Variants in LPXN observed in about 807,000 individuals in gnomAD.
LPXN encodes leupaxin.
Under a neutral mutation model 45.6 loss-of-function variants are expected in LPXN, and 28 were observed. The ratio of observed to expected loss-of-function variants is 0.61; its 90% confidence interval spans 0.45 to 0.84. LPXN has a LOEUF of 0.84. Among genes scored for constraint, LPXN ranks in the 40% least tolerant of loss-of-function variants. The pLI is 0.00. For missense variants in LPXN, 459 were observed against 475.0 expected, an observed-to-expected ratio of 0.97 and a Z score of 0.31; for synonymous variants, 166 against 169.9, an observed-to-expected ratio of 0.98 and a Z score of 0.18.
intron 5 of LPXN, among the ~76,000 whole-genome samples, chr11:58,550,635 C>G (rs1565194386): frequency 6.6e-6 from 1 of 152,174 alleles, no homozygotes. Flanking sequence ...TGACTTGGAG[C>G]TGAGTTCAGC....
intron 7 of LPXN, among the ~76,000 whole-genome samples, chr11:58,545,205 C>T (rs1479635249): frequency 1.3e-5 from 2 of 152,032 alleles, no homozygotes; most frequent in Non-Finnish European, 2.9e-5. Flanking sequence ...CATAAATGAC[C>T]CCATCAGCCC....
chr11:58,542,958 T>C (rs1382448206), intron 7 of LPXN, among the ~76,000 whole-genome samples: 1 of 152,214 alleles, frequency 6.6e-6, no homozygotes, highest in Non-Finnish European at 1.5e-5. Context: ...TAATTAATCC[T>C]TAAGCACTTA....
intron 7 of LPXN, among the ~76,000 whole-genome samples, chr11:58,549,106 C>T (rs2120311803): frequency 6.6e-6 from 1 of 152,282 alleles, no homozygotes; most frequent in Admixed American, 6.5e-5. Context: ...ATTTAAAACA[C>T]ATAAGCAGGC....
chr11:58,577,288 C>G (rs1361981899), upstream of LPXN, among the ~76,000 whole-genome samples: 2 of 152,122 alleles, frequency 1.3e-5, no homozygotes, highest in African/African-American at 4.8e-5. Context: ...ATTATTACAA[C>G]TGAAAATGAC....
At chr11:58,535,448 G>A (rs1469366434) in intron 7 of LPXN, among the ~76,000 whole-genome samples, 1 of 152,054 alleles carries the variant, frequency 6.6e-6, no homozygotes, top group African/African-American at 2.4e-5. Context: ...ATACAGAAAA[G>A]GCCTTTGATA....
At chr11:58,563,981 T>C (rs932235167) in intron 3 of LPXN, among the ~76,000 whole-genome samples, 174 bp downstream of exon 3, 15 of 152,260 alleles carry the variant, frequency 9.9e-5, no homozygotes, top group Admixed American at 6.5e-4. Flanking sequence ...CCTTGAGAAG[T>C]TGTCAAGTCA....
intron 4 of LPXN, among the ~76,000 whole-genome samples, chr11:58,551,616 G>A (rs945590554): frequency 3.9e-5 from 6 of 152,272 alleles, no homozygotes; most frequent in African/African-American, 1.4e-4. Flanking sequence ...ACTGCTCTAA[G>A]CACTTGGATT....
intron 2 of LPXN, among the ~76,000 whole-genome samples, chr11:58,568,295 A>G (rs1854582488): frequency 6.6e-6 from 1 of 152,166 alleles, no homozygotes; most frequent in Admixed American, 6.6e-5. Flanking sequence ...CATCTTTTGC[A>G]TTTAACCATA....
Position 58,551,169 on chromosome 11 carries a change from G to T in LPXN, c.382C>A (p.Leu128Met). 6.2e-7 allele frequency: 1 copy of T among 1,611,798 alleles called. No homozygotes were observed. Among genetic ancestry groups the T allele is most frequent in the Non-Finnish European group, 8.5e-7 (1 of 1,178,998 alleles). The change falls in exon 5 of 9, where the codon CTG (leucine) becomes ATG (methionine). Residue 128 changes from leucine to methionine, a missense_variant. Leu to Met is a conservative substitution (Grantham distance 15). Coordinates refer to ENST00000395074, the MANE Select transcript of LPXN (RefSeq NM_004811.3). ...TCCAGACCCCCAAGCATTGAGTCCA[G>T]GGAGGCCTTGTGATCCTGCTTGTCT... ...LPDKQDHKAS[L>M]DSMLGGLEQE...
At chr11:58,578,406 G>A (rs1042206289), upstream of LPXN, among the ~76,000 whole-genome samples, 1 of 151,980 alleles carries the variant, frequency 6.6e-6, no homozygotes, top group African/African-American at 2.4e-5. Flanking sequence ...CTCCCAGAAT[G>A]CCCTTGGTTA....
intron 7 of LPXN, among the ~76,000 whole-genome samples, chr11:58,540,528 A>C (rs1170438252): frequency 6.6e-6 from 1 of 152,222 alleles, no homozygotes; most frequent in Non-Finnish European, 1.5e-5. Flanking sequence ...ATGACTTCTA[A>C]ACTTGCTTCT....
upstream of LPXN, among the ~76,000 whole-genome samples, chr11:58,577,147 A>AT (rs147250060): frequency 8.7e-3 from 1,295 of 149,534 alleles, 16 homozygotes; most frequent in African/African-American, 0.029. Flanking sequence ...CTGTCTGTAC[A>AT]TTTTTTTTTG....
chr11:58,564,865 G>A (rs918238862), intron 2 of LPXN, among the ~76,000 whole-genome samples: 4 of 152,182 alleles, frequency 2.6e-5, no homozygotes, highest in African/African-American at 4.8e-5. Context: ...AGAAGAGAAC[G>A]CTTGAGCAAG....
rs2120337122 is a variant in LPXN at position 58,551,169 on chromosome 11, G to A, written c.382C>T (p.Leu128=). Residue 128 remains leucine, a synonymous_variant, in exon 5 of 9, where the codon CTG becomes TTG. Transcript: ENST00000395074. The part of the protein sequence containing the change: ...LPDKQDHKAS[L]DSMLGGLEQE... ...TCCAGACCCCCAAGCATTGAGTCCA[G>A]GGAGGCCTTGTGATCCTGCTTGTCT... The A allele has an allele frequency of 6.2e-7, 1 of 1,611,800 alleles. No homozygotes were observed. The highest frequency in any genetic ancestry group is 2.2e-5 in the East Asian group (1 of 44,514).
chr11:58,577,919 A>T, upstream of LPXN: 1 of 1,310,692 alleles, frequency 7.6e-7, no homozygotes. Context: ...GAGCCAACTG[A>T]GTAGTGGGCC....
At chr11:58,564,321 G>T in intron 2 of LPXN, 120 bp from the exon 3 acceptor site, 1 of 686,312 alleles carries the variant, frequency 1.5e-6, no homozygotes. Context: ...CTGACAAGTG[G>T]CATATCTATG....
chr11:58,569,635 C>G (rs1313044789), intron 2 of LPXN, among the ~76,000 whole-genome samples: 3 of 152,186 alleles, frequency 2.0e-5, no homozygotes, highest in Non-Finnish European at 4.4e-5. Flanking sequence ...AGTGATCCCC[C>G]CGCCTCAGCC....
chr11:58,527,984 T>A, intron 8 of LPXN, 59 bp downstream of exon 8: 1 of 1,565,394 alleles, frequency 6.4e-7, no homozygotes, highest in East Asian at 2.3e-5. Flanking sequence ...CAGCTCTTCC[T>A]CTCAGAGAGG....
chr11:58,550,211 C>A, intron 5 of LPXN, 65 bp from the exon 6 acceptor site: 2 of 1,488,812 alleles, frequency 1.3e-6, no homozygotes, highest in East Asian at 4.6e-5. Flanking sequence ...ACAGGTTGCA[C>A]AACTCTAGGG....
Sources: allele counts gnomAD v4.1 joint callset (sites outside exome capture counted in the v4.1 genomes callset), GRCh38; gene constraint gnomAD v4.1.1; transcripts MANE v1.5; gene names NCBI Gene and HGNC (gene_info 2026-07-23, HGNC 2026-07-21).